CDK14: variants seen among roughly 807,000 people sequenced by gnomAD.
CDK14 encodes the protein cyclin-dependent kinase 14.
CDK14 carries 34 observed loss-of-function variants against 60.7 expected under a neutral mutation model. The observed-to-expected ratio is 0.56, with a 90% CI of 0.43 to 0.75. The LOEUF is 0.75. Ranked by LOEUF, CDK14 falls within the 30% of genes least tolerant of loss-of-function variation. The pLI is 0.00. For missense variants in CDK14, 482 were observed against 564.1 expected (o/e 0.85, Z 1.47); for synonymous variants, 197 against 203.7 (o/e 0.97, Z 0.28).
chr7:90,830,042 A>G (rs2117107168), intron 5 of CDK14, among the ~76,000 whole-genome samples: 1 of 152,250 alleles, frequency 6.6e-6, no homozygotes, highest in African/African-American at 2.4e-5. Flanking sequence ...TGGATCTACC[A>G]TTCTGGGGTC....
At chr7:90,831,186 T>C (rs962200208) in intron 5 of CDK14, among the ~76,000 whole-genome samples, 1 of 152,212 alleles carries the variant, frequency 6.6e-6, no homozygotes, top group Admixed American at 6.5e-5. Context: ...AATAACTACC[T>C]GAGACTTGGT....
chr7:91,162,943 T>A (rs1202930372), intron 14 of CDK14, among the ~76,000 whole-genome samples: 1 of 152,168 alleles, frequency 6.6e-6, no homozygotes, highest in African/African-American at 2.4e-5. Flanking sequence ...CTGGGAAATG[T>A]TGGGGCCCCT....
chr7:90,797,820 A>G (rs1788494615), intron 5 of CDK14, among the ~76,000 whole-genome samples: 1 of 151,862 alleles, frequency 6.6e-6, no homozygotes, highest in African/African-American at 2.4e-5. Context: ...CTGACTCACT[A>G]TTGATATGAC....
intron 5 of CDK14, among the ~76,000 whole-genome samples, chr7:90,815,764 G>T (rs983899576): frequency 2.6e-5 from 4 of 152,206 alleles, no homozygotes; most frequent in African/African-American, 9.6e-5. Context: ...CATGTCTTTT[G>T]CAGGGACATG....
intron 2 of CDK14, among the ~76,000 whole-genome samples, chr7:90,698,800 C>G (rs987720683): frequency 6.6e-6 from 1 of 152,170 alleles, no homozygotes. Context: ...GTGGTAAAAA[C>G]TCTTGTCACC....
At chr7:91,205,282 A>G (rs1802857336) in intron 14 of CDK14, among the ~76,000 whole-genome samples, 1 of 152,250 alleles carries the variant, frequency 6.6e-6, no homozygotes, top group Non-Finnish European at 1.5e-5. Context: ...AGATGAAACA[A>G]CACAAATATA....
intron 6 of CDK14, among the ~76,000 whole-genome samples, chr7:90,898,600 T>C (rs138857498): frequency 1.3e-5 from 2 of 152,130 alleles, no homozygotes; most frequent in East Asian, 3.9e-4. Flanking sequence ...TTATATATAG[T>C]TTATGATATA....
At chr7:90,601,198 T>C (rs1799307032) in intron 1 of CDK14, among the ~76,000 whole-genome samples, 1 of 152,260 alleles carries the variant, frequency 6.6e-6, no homozygotes, top group Non-Finnish European at 1.5e-5. Context: ...AATAATGTAA[T>C]ATGCTTGTTA....
chr7:90,683,970 A>G (rs1208291393), intron 2 of CDK14, among the ~76,000 whole-genome samples: 1 of 151,890 alleles, frequency 6.6e-6, no homozygotes, highest in Non-Finnish European at 1.5e-5. Flanking sequence ...ATGTATGTGT[A>G]TATATGCACA....
chr7:91,141,431 G>A (rs1047959806), intron 14 of CDK14, among the ~76,000 whole-genome samples: 2 of 152,106 alleles, frequency 1.3e-5, no homozygotes, highest in Non-Finnish European at 2.9e-5. Flanking sequence ...GTGTCCTTTC[G>A]TTTAGGTTGA....
intron 8 of CDK14, among the ~76,000 whole-genome samples, chr7:90,952,429 G>A (rs1794290691): frequency 6.6e-6 from 1 of 152,202 alleles, no homozygotes; most frequent in Non-Finnish European, 1.5e-5. Flanking sequence ...TGCTATGCTA[G>A]TATCAGGGTA....
chr7:90,779,823 G>T (rs1805232910), intron 4 of CDK14, among the ~76,000 whole-genome samples: 1 of 152,114 alleles, frequency 6.6e-6, no homozygotes, highest in Non-Finnish European at 1.5e-5. Flanking sequence ...CATGTAAAAA[G>T]TTAAATGTTC....
At chr7:90,767,720 T>C (rs1353621926) in intron 4 of CDK14, among the ~76,000 whole-genome samples, 1 of 152,196 alleles carries the variant, frequency 6.6e-6, no homozygotes, top group Non-Finnish European at 1.5e-5. Context: ...CTTTCAACCC[T>C]TTTATTCTTC....
At chr7:90,720,351 TAAGA>T (rs1288307100) in intron 2 of CDK14, among the ~76,000 whole-genome samples, 1 of 152,052 alleles carries the variant, frequency 6.6e-6, no homozygotes, top group African/African-American at 2.4e-5. Context: ...CTGAGGGCGG[TAAGA>T]AAGCATGTGT....
intron 5 of CDK14, among the ~76,000 whole-genome samples, chr7:90,847,864 C>T (rs1554352867): frequency 6.6e-6 from 1 of 152,178 alleles, no homozygotes; most frequent in Non-Finnish European, 1.5e-5. Context: ...AATGCAGGTT[C>T]AAGGGCTACG....
intron 6 of CDK14, among the ~76,000 whole-genome samples, chr7:90,892,968 T>G (rs114454549): frequency 9.3e-4 from 141 of 152,154 alleles, no homozygotes; most frequent in African/African-American, 3.3e-3. Flanking sequence ...TTAATAGAGA[T>G]AGGTTTTCAC....
chr7:90,817,185 G>C (rs987813324), intron 5 of CDK14, among the ~76,000 whole-genome samples: 1 of 152,072 alleles, frequency 6.6e-6, no homozygotes, highest in Admixed American at 6.6e-5. Flanking sequence ...TAGCATATGT[G>C]GGGAAAATGT....
intron 5 of CDK14, among the ~76,000 whole-genome samples, chr7:90,799,518 T>C (rs988654567): frequency 6.6e-6 from 1 of 151,886 alleles, no homozygotes. Flanking sequence ...CAAAACCCCG[T>C]GTCTACTAAA....
chr7:90,720,236 T>C (rs1229178911), intron 2 of CDK14, among the ~76,000 whole-genome samples: 1 of 152,188 alleles, frequency 6.6e-6, no homozygotes, highest in South Asian at 2.1e-4. Context: ...AAGTGAATTC[T>C]TAATAAAGGA....
Sources: allele counts gnomAD v4.1 joint callset (sites outside exome capture counted in the v4.1 genomes callset), GRCh38; gene constraint gnomAD v4.1.1; transcripts MANE v1.5; gene names NCBI Gene and HGNC (gene_info 2026-07-23, HGNC 2026-07-21).